CARF: variants seen among roughly 807,000 people sequenced by gnomAD.
The protein encoded by CARF is calcium-responsive transcription factor.
In CARF, 57 loss-of-function variants were observed where a neutral mutation model predicts 82.0. The observed-to-expected ratio is 0.70, with a 90% CI of 0.56 to 0.87. The LOEUF (loss-of-function observed/expected upper bound fraction) is 0.87. CARF is among the 40% of genes least tolerant of loss of function. The pLI is 0.00. For synonymous variants in CARF, 268 were observed against 290.1 expected (o/e 0.92, Z 0.77); for missense variants, 771 against 855.8 (o/e 0.90, Z 1.24).
intron 5 of CARF, among the ~76,000 whole-genome samples, chr2:202,943,733 C>T (rs558049973): frequency 4.6e-5 from 7 of 152,056 alleles, no homozygotes; most frequent in South Asian, 2.1e-4. Context: ...CTGCAACCTC[C>T]GCCTCCCGGG....
chr2:202,981,522 A>C lies in CARF; in HGVS notation c.1559-33A>C, dbSNP rs555562303. 12 of 1,414,594 alleles carry C rather than the reference A, an allele frequency of 8.5e-6. No individual in the cohort carries two copies. In the South Asian group the frequency reaches 1.5e-4, roughly 17 times the overall value. 87.6% of individuals were successfully genotyped at this position (1,414,594 alleles called of 1,614,324 possible). A position where few individuals can be genotyped will look rare whatever the true frequency, so the allele number is the denominator to read the frequency against. On this transcript the variant is annotated intron_variant, in intron 14 of 16. Transcript: ENST00000438828. The stretch of plus-strand genomic sequence containing the variant: ...TTTATGACTTCATAGAAGCCATAAA[A>C]ATTATTTTAATAGTTTCTTTAATAT...
chr2:202,963,927 C>T (rs2059428249), intron 9 of CARF, among the ~76,000 whole-genome samples: 1 of 152,190 alleles, frequency 6.6e-6, no homozygotes, highest in South Asian at 2.1e-4. Context: ...CTGCTCACCT[C>T]CTGCTGTGCG....
At chr2:202,971,975 A>G (rs2059807988) in intron 12 of CARF, among the ~76,000 whole-genome samples, 1 of 152,170 alleles carries the variant, frequency 6.6e-6, no homozygotes, top group Admixed American at 6.6e-5. Context: ...GAGACATTCT[A>G]TATTTGGATT....
chr2:202,952,557 A>AGAT lies in CARF; in HGVS notation c.309_311dup. ...TGATTTTTTTTTTTTAATGCTTCCA[A>AGAT]GATGATCGTTGCCAGCCCAACAGAA... On this transcript the variant is annotated splice_acceptor_variant, in intron 5 of 16. Transcript: ENST00000438828. LOFTEE classifies it high-confidence loss of function. 1 of 1,613,284 alleles carries AGAT rather than the reference A, an allele frequency of 6.2e-7. No homozygotes were observed. The highest frequency in any genetic ancestry group is 8.5e-7 in the Non-Finnish European group (1 of 1,179,692).
At chr2:202,942,258 C>A (rs1196909673) in intron 4 of CARF, among the ~76,000 whole-genome samples, 1 of 151,794 alleles carries the variant, frequency 6.6e-6, no homozygotes, top group African/African-American at 2.4e-5. Context: ...CCTGTAATCC[C>A]AGCTACTCAG....
chr2:202,959,695 G>A (rs1194057055), intron 8 of CARF, among the ~76,000 whole-genome samples: 1 of 151,954 alleles, frequency 6.6e-6, no homozygotes, highest in Non-Finnish European at 1.5e-5. Context: ...TGTAATCCCA[G>A]CTACTTGGGA....
At chr2:202,983,355 A>G in intron 16 of CARF, 151 bp from the exon 17 acceptor site, 1 of 598,256 alleles carries the variant, frequency 1.7e-6, no homozygotes, top group South Asian at 2.1e-5. Flanking sequence ...ATTGTTCTGG[A>G]TTGGGCACTT....
At chr2:202,951,865 C>T (rs1187823521) in intron 5 of CARF, among the ~76,000 whole-genome samples, 1 of 150,902 alleles carries the variant, frequency 6.6e-6, no homozygotes, top group African/African-American at 2.4e-5. Context: ...CAGAGTCTCG[C>T]TCTGTCGCCC....
intron 13 of CARF, among the ~76,000 whole-genome samples, chr2:202,976,927 C>T (rs751973580): frequency 1.3e-5 from 2 of 152,092 alleles, no homozygotes; most frequent in Non-Finnish European, 2.9e-5. Flanking sequence ...CCAGGCTGGT[C>T]TCAAACTCCT....
At chr2:202,950,453 C>T (rs1281567634) in intron 5 of CARF, among the ~76,000 whole-genome samples, 1 of 152,120 alleles carries the variant, frequency 6.6e-6, no homozygotes, top group Non-Finnish European at 1.5e-5. Flanking sequence ...ATATTTTTTT[C>T]ACAGATATTT....
chr2:202,944,839 G>T lies in CARF; in HGVS notation c.306+1872G>T, dbSNP rs553937976. ...ATCAAGGAGTCTGAATGTGTAAAAG[G>T]GTTGTCATTTTACCTAGGGTACCTT... On this transcript the variant is annotated intron_variant, in intron 5 of 16. Transcript: ENST00000438828. 6.6e-5 allele frequency among the ~76,000 whole-genome samples: 10 copies of T among 151,652 alleles called. No individual in the cohort carries two copies. In the South Asian group the frequency reaches 2.1e-3, roughly 32 times the overall value.
rs1217890177 is a variant in CARF, at chr2:202,986,880, A to G, written c.*3256A>G. 1 of 117,304 alleles carries G rather than the reference A, an allele frequency of 8.5e-6. No individual in the cohort carries two copies. Among genetic ancestry groups the G allele is most frequent in the Non-Finnish European group, 1.9e-5 (1 of 53,028 alleles). 7.3% of individuals were successfully genotyped at this position (117,304 alleles called of 1,614,324 possible). On this transcript the variant is annotated 3_prime_UTR_variant, in exon 17 of 17. Coordinates refer to ENST00000438828, the MANE Select transcript of CARF (RefSeq NM_024744.17). ...AAAATGTCTGTGCGTATATATATAT[A>G]TATATATATATATATATATATATAT...
chr2:202,984,016 T>C lies in CARF; in HGVS notation c.*392T>C, dbSNP rs2060363642. 6.4e-6 allele frequency: 1 copy of C among 155,336 alleles called. No individual in the cohort carries two copies. The highest frequency in any genetic ancestry group is 2.4e-5 in the African/African-American group (1 of 41,550). 9.6% of individuals were successfully genotyped at this position (155,336 alleles called of 1,614,324 possible). A position where few individuals can be genotyped will look rare whatever the true frequency, so the allele number is the denominator to read the frequency against. On this transcript the variant is annotated 3_prime_UTR_variant, in exon 17 of 17. Coordinates refer to ENST00000438828, the MANE Select transcript of CARF (RefSeq NM_024744.17). ...TTGTGTGAATGTATGTTTGTATGTG[T>C]GTATGTATATCATGAATTTTTTTTT...
intron 3 of CARF, among the ~76,000 whole-genome samples, chr2:202,931,157 G>A (rs534900331): frequency 6.6e-6 from 1 of 151,670 alleles, no homozygotes; most frequent in Non-Finnish European, 1.5e-5. Context: ...ATTTTTAGTA[G>A]AGATGGGTTT....
chr2:202,929,997 C>T (rs1574515626), intron 3 of CARF, among the ~76,000 whole-genome samples: 1 of 152,094 alleles, frequency 6.6e-6, no homozygotes, highest in East Asian at 1.9e-4. Flanking sequence ...GATGTCTTTC[C>T]ATTTTTTGTG....
chr2:202,965,414 A>C (rs2059507488), intron 9 of CARF, among the ~76,000 whole-genome samples: 1 of 152,144 alleles, frequency 6.6e-6, no homozygotes, highest in South Asian at 2.1e-4. Context: ...AGTATGAAAT[A>C]GTATTTTACT....
chr2:202,950,747 G>A (rs1221763824), intron 5 of CARF, among the ~76,000 whole-genome samples: 1 of 152,124 alleles, frequency 6.6e-6, no homozygotes, highest in Non-Finnish European at 1.5e-5. Flanking sequence ...TACACGTGAT[G>A]AGGATTAAAT....
intron 15 of CARF, 63 bp downstream of exon 15, chr2:202,981,748 C>A: frequency 7.2e-7 from 1 of 1,391,860 alleles, no homozygotes; most frequent in Non-Finnish European, 1.0e-6. Context: ...TTTACCTCTT[C>A]TTCTCCTAGG....
intron 16 of CARF, 117 bp from the exon 17 acceptor site, chr2:202,983,389 G>T: frequency 1.5e-6 from 1 of 648,798 alleles, no homozygotes. Context: ...TTTGCAGTTT[G>T]CTTTGAAGAA....
Sources: allele counts gnomAD v4.1 joint callset (sites outside exome capture counted in the v4.1 genomes callset), GRCh38; gene constraint gnomAD v4.1.1; transcripts MANE v1.5; gene names NCBI Gene and HGNC (gene_info 2026-07-23, HGNC 2026-07-21).